CFAP20DC: variants seen among roughly 807,000 people sequenced by gnomAD.
The protein encoded by CFAP20DC is protein CFAP20DC.
CFAP20DC carries 84 observed loss-of-function variants against 101.7 expected under a neutral mutation model. The ratio of observed to expected loss-of-function variants is 0.83; its 90% CI spans 0.69 to 0.99. The LOEUF (loss-of-function observed/expected upper bound fraction) is 0.99, where lower values mean the gene tolerates loss of function less well. CFAP20DC is among the 50% of genes least tolerant of loss of function. The pLI, the probability that CFAP20DC is intolerant of heterozygous loss-of-function variation, is 0.00. For missense variants in CFAP20DC, 1,007 were observed against 970.3 expected (o/e 1.04, Z -0.50); for synonymous variants, 359 against 351.2 (o/e 1.02, Z -0.25).
Position 58,869,602 on chromosome 3 carries a change from G to C in CFAP20DC, c.853-112C>G. 2 of 727,206 alleles carry C rather than the reference G, an allele frequency of 2.8e-6. No homozygotes were observed. The highest frequency in any genetic ancestry group is 4.2e-6 in the Non-Finnish European group (2 of 479,854). The allele number at this position is 727,206 out of a possible 1,614,324, so 45.0% of individuals were successfully genotyped here. A position where few individuals can be genotyped will look rare whatever the true frequency, so the allele number is the denominator to read the frequency against. On this transcript the variant is annotated intron_variant, in intron 8 of 16. Coordinates refer to ENST00000482387, the MANE Select transcript of CFAP20DC (RefSeq NM_001394063.1). This position sits in a 1 kb window ranked among gnomAD's most constrained non-coding sequence, Gnocchi z 4.3. ...CCAATGAAGAGTGAGAAAAAAACTA[G>C]AGGAAATGAGGTTAAGATGTGAAGA...
chr3:58,758,893 T>C (rs1463804097), intron 15 of CFAP20DC, among the ~76,000 whole-genome samples: 3 of 152,138 alleles, frequency 2.0e-5, no homozygotes, highest in Non-Finnish European at 4.4e-5. Flanking sequence ...CTGCATAGTA[T>C]TCCATGGTGT....
At chr3:59,043,576 T>A (rs536652807) in intron 3 of CFAP20DC, among the ~76,000 whole-genome samples, 2 of 151,944 alleles carry the variant, frequency 1.3e-5, no homozygotes, top group South Asian at 4.2e-4. Flanking sequence ...GCAGCTGAAA[T>A]GCAGAACAAT....
intron 14 of CFAP20DC, among the ~76,000 whole-genome samples, chr3:58,810,316 C>G (rs1445502547): frequency 6.6e-6 from 1 of 152,084 alleles, no homozygotes; most frequent in East Asian, 1.9e-4. Flanking sequence ...AAAATACTGG[C>G]AAACCAAATC....
Position 58,788,240 on chromosome 3 carries a change from G to C in CFAP20DC, c.2237+18155C>G, listed in dbSNP as rs2072544921. The stretch of plus-strand genomic sequence containing the variant: ...CAGACAGATTCTGAGCACGCAGTGA[G>C]AAAGGGAACCACAGCATGGTTGATT... On this transcript the variant is annotated intron_variant, in intron 15 of 16. Coordinates refer to ENST00000482387, the MANE Select transcript of CFAP20DC (RefSeq NM_001394063.1). This position sits in a 1 kb window ranked among gnomAD's most constrained non-coding sequence, Gnocchi z 4.2. Among the ~76,000 whole-genome samples, 1 of 152,074 alleles carries C rather than the reference G, an allele frequency of 6.6e-6. No homozygotes were observed.
rs752608570 is a variant in CFAP20DC at position 58,866,601 on chromosome 3, G to C, written c.1223C>G (p.Ser408Cys). Reference protein sequence around the residue: ...VSQQGAELLNSGTLGPQSPDQ... With the variant: ...VSQQGAELLNCGTLGPQSPDQ... The stretch of plus-strand genomic sequence containing the variant: ...AGGAGACTGGGGTCCTAGAGTGCCG[G>C]AGTTCAACAGCTCTGCTCCTTGTTG... The change falls in exon 11 of 17, where the codon TCC (serine) becomes TGC (cysteine). Residue 408 changes from serine (S) to cysteine (C), a missense_variant. By Grantham distance (112) the Ser-to-Cys change is moderately radical. Transcript: ENST00000482387. The C allele has an allele frequency of 1.0e-4, 164 of 1,612,508 alleles. No homozygotes were observed. Among genetic ancestry groups the C allele is most frequent in the Non-Finnish European group, 1.4e-4 (160 of 1,179,010 alleles).
Position 58,742,224 on chromosome 3 carries a change from A to G in CFAP20DC, c.*236T>C. The G allele has an allele frequency of 9.5e-7, 1 of 1,057,306 alleles. No homozygotes were observed. The highest frequency in any genetic ancestry group is 1.2e-6 in the Non-Finnish European group (1 of 866,420). 65.5% of individuals were successfully genotyped at this position (1,057,306 alleles called of 1,614,324 possible). ...AATGAGAACAAACAAGAACCAATTC[A>G]AACTCCTAAAATCTTGCCTCTGTAT... On this transcript the variant is annotated 3_prime_UTR_variant, in exon 17 of 17. Coordinates refer to ENST00000482387, the MANE Select transcript of CFAP20DC (RefSeq NM_001394063.1).
intron 4 of CFAP20DC, among the ~76,000 whole-genome samples, chr3:58,950,740 C>T (rs1437075983): frequency 1.3e-5 from 2 of 152,184 alleles, no homozygotes; most frequent in Admixed American, 6.5e-5. Flanking sequence ...CTCTTCCTTA[C>T]AGCTCATACA....
At chr3:58,806,778 G>A (rs894336915) in intron 14 of CFAP20DC, among the ~76,000 whole-genome samples, 2 of 152,224 alleles carry the variant, frequency 1.3e-5, no homozygotes, top group African/African-American at 4.8e-5. Context: ...TGCCTCACTC[G>A]GGAAGCGCAA....
chr3:58,893,368 G>C (rs996561625), intron 6 of CFAP20DC, among the ~76,000 whole-genome samples: 5 of 152,072 alleles, frequency 3.3e-5, no homozygotes, highest in Non-Finnish European at 7.4e-5. Flanking sequence ...TTTTATCAGA[G>C]GCCTTTTCTG....
At chr3:58,843,222 G>A (rs1364868933) in intron 13 of CFAP20DC, among the ~76,000 whole-genome samples, 2 of 152,030 alleles carry the variant, frequency 1.3e-5, no homozygotes, top group Non-Finnish European at 2.9e-5. Flanking sequence ...TCTGAGCTAC[G>A]GGAGGACATT....
chr3:59,029,985 T>A (rs1168947081), intron 4 of CFAP20DC, among the ~76,000 whole-genome samples: 1 of 152,166 alleles, frequency 6.6e-6, no homozygotes, highest in Non-Finnish European at 1.5e-5. Context: ...ATATGCATAA[T>A]CATCCAGTGG....
intron 15 of CFAP20DC, among the ~76,000 whole-genome samples, chr3:58,786,237 C>T (rs939927091): frequency 3.9e-5 from 6 of 152,084 alleles, no homozygotes; most frequent in Non-Finnish European, 8.8e-5. Context: ...TCTTTGAAAA[C>T]ATTAAGAAAA....
chr3:58,853,808 T>C (rs1023708952), intron 12 of CFAP20DC, among the ~76,000 whole-genome samples: 13 of 152,128 alleles, frequency 8.5e-5, no homozygotes, highest in Non-Finnish European at 1.6e-4. Flanking sequence ...GAACTCTCAA[T>C]AAATTAGGTA....
At chr3:58,789,492 A>G (rs9311685) in intron 15 of CFAP20DC, among the ~76,000 whole-genome samples, 43,805 of 152,082 alleles carry the variant, frequency 0.29, 6,456 homozygotes, top group Non-Finnish European at 0.31. Flanking sequence ...TCTGTTCAGA[A>G]GTCAAATAAA....
chr3:59,021,658 C>T (rs545738891), intron 4 of CFAP20DC, among the ~76,000 whole-genome samples: 5 of 152,064 alleles, frequency 3.3e-5, no homozygotes, highest in African/African-American at 1.2e-4. Context: ...CCTGGTCACA[C>T]AATGATGAGA....
In CFAP20DC at chr3:58,897,643, G is replaced by C. The variant is rs1247787248; in HGVS notation, c.551-12934C>G. On this transcript the variant is annotated intron_variant, in intron 6 of 16. Coordinates refer to ENST00000482387, the MANE Select transcript of CFAP20DC (RefSeq NM_001394063.1). This position sits in a 1 kb window ranked among gnomAD's most constrained non-coding sequence, Gnocchi z 4.4. The stretch of plus-strand genomic sequence containing the variant: ...TATTTCTTTTCACTTTTGAAGGTTA[G>C]TTTGGCCAGATATGAAATTCAGGAT... Among the ~76,000 whole-genome samples the C allele has an allele frequency of 6.6e-6, 1 of 152,180 alleles. No homozygotes were observed. Among genetic ancestry groups the C allele is most frequent in the East Asian group, 1.9e-4 (1 of 5,194 alleles).
At chr3:58,920,451 CGTAA>C (rs1289171725) in intron 5 of CFAP20DC, among the ~76,000 whole-genome samples, 1 of 152,002 alleles carries the variant, frequency 6.6e-6, no homozygotes, top group Non-Finnish European at 1.5e-5. Context: ...AATATTTTAT[CGTAA>C]GTGTGATTTA....
chr3:58,873,541 G>A (rs970225906), intron 7 of CFAP20DC, among the ~76,000 whole-genome samples: 53 of 149,056 alleles, frequency 3.6e-4, no homozygotes, highest in African/African-American at 1.2e-3. Flanking sequence ...TATGCTGGAT[G>A]GTATAAGGCG....
intron 4 of CFAP20DC, among the ~76,000 whole-genome samples, chr3:58,958,228 G>A (rs1247185920): frequency 6.6e-6 from 1 of 151,916 alleles, no homozygotes; most frequent in African/African-American, 2.4e-5. Context: ...ATACCAATCT[G>A]GTTTTGGTCT....
Sources: gnomAD v4.1 joint callset for allele counts (sites outside exome capture counted in the v4.1 genomes callset) on GRCh38, gnomAD v4.1.1 for gene constraint, Gnocchi (gnomAD v3.1) non-coding constraint, MANE v1.5 for transcripts, NCBI Gene and HGNC (gene_info 2026-07-23, HGNC 2026-07-21) for gene names.